The following ATP6V1A variants were observed in gnomAD, a reference collection of about 807,000 sequenced individuals.
ATP6V1A encodes the protein V-type proton ATPase catalytic subunit A.
A neutral mutation model predicts 70.1 loss-of-function variants in ATP6V1A; 18 were observed. The observed-to-expected ratio is 0.26, with a 90% CI of 0.18 to 0.38. The LOEUF (loss-of-function observed/expected upper bound fraction) is 0.38. ATP6V1A is among the 10% of genes least tolerant of loss of function. ATP6V1A has a pLI of 1.00. For synonymous variants in ATP6V1A, 232 were observed against 253.8 expected (o/e 0.91, Z 0.82); for missense variants, 424 against 772.4 (o/e 0.55, Z 5.35).
At position 113,781,033 on chromosome 3, in the gene ATP6V1A, T is replaced by C; in HGVS notation, c.83-17T>C. ...CTAGAGTCTTAAGTCATCAAAATAG[T>C]CTTTTGTTCTCTTCAGTGGTTACAG... On this transcript the variant is annotated splice_polypyrimidine_tract_variant and intron_variant, in intron 2 of 14. Coordinates refer to ENST00000273398, the MANE Select transcript of ATP6V1A (RefSeq NM_001690.4). 6.3e-7 allele frequency: 1 copy of C among 1,583,610 alleles called. No homozygotes were observed. Among genetic ancestry groups the C allele is most frequent in the Non-Finnish European group, 8.6e-7 (1 of 1,168,612 alleles).
chr3:113,797,397 G>A (rs927936807), intron 11 of ATP6V1A, among the ~76,000 whole-genome samples: 27 of 151,458 alleles, frequency 1.8e-4, no homozygotes, highest in African/African-American at 6.3e-4. Flanking sequence ...GGCATTACAG[G>A]CATGCGCCAC....
chr3:113,760,678 G>A (rs560770499), intron 1 of ATP6V1A, among the ~76,000 whole-genome samples: 8 of 152,036 alleles, frequency 5.3e-5, no homozygotes, highest in South Asian at 2.1e-4. Context: ...GCAGTGAGCC[G>A]AGATCGCACC....
intron 8 of ATP6V1A, among the ~76,000 whole-genome samples, chr3:113,791,400 T>G (rs1709090330): frequency 1.3e-5 from 2 of 151,982 alleles, no homozygotes; most frequent in Admixed American, 1.3e-4. Flanking sequence ...TAGGGTTTTT[T>G]TTTTTTTTTA....
Position 113,786,227 on chromosome 3 carries a change from T to G in ATP6V1A, c.565-5T>G, listed in dbSNP as rs373290404. ...CCATACTAAAATCCTACTGTATTTC[T>G]ATAGGATGTTGTCTTGGAGCTTGAA... On this transcript the variant is annotated splice_polypyrimidine_tract_variant and splice_region_variant and intron_variant, in intron 5 of 14. Coordinates refer to ENST00000273398, the MANE Select transcript of ATP6V1A (RefSeq NM_001690.4). 3.7e-5 allele frequency: 60 copies of G among 1,602,188 alleles called. No homozygotes were observed. The highest frequency in any genetic ancestry group is 5.1e-5 in the Non-Finnish European group (60 of 1,172,706).
At chr3:113,763,994 C>G (rs1708737563) in intron 1 of ATP6V1A, among the ~76,000 whole-genome samples, 1 of 152,244 alleles carries the variant, frequency 6.6e-6, no homozygotes, top group Non-Finnish European at 1.5e-5. Flanking sequence ...AATCCCAGCA[C>G]TTTGGGAGGC....
chr3:113,795,864 T>C lies in ATP6V1A; in HGVS notation c.1227-12T>C, dbSNP rs1709148461. The C allele has an allele frequency of 1.9e-6, 3 of 1,601,966 alleles. No homozygotes were observed. Among genetic ancestry groups the C allele is most frequent in the Non-Finnish European group, 1.7e-6 (2 of 1,175,298 alleles). ...ATTTTTTTTGTAATGACCATATTTT[T>C]TTTAAATTTAGAGTTTCTCCACCTG... is the stretch of plus-strand genomic sequence containing the variant. On this transcript the variant is annotated splice_polypyrimidine_tract_variant and intron_variant, in intron 10 of 14. Transcript: ENST00000273398.
chr3:113,804,295 T>C (rs1003392284), intron 13 of ATP6V1A, among the ~76,000 whole-genome samples: 1 of 152,038 alleles, frequency 6.6e-6, no homozygotes, highest in Non-Finnish European at 1.5e-5. Flanking sequence ...CCTGTCTTCT[T>C]TTACTTTTTT....
intron 12 of ATP6V1A, among the ~76,000 whole-genome samples, chr3:113,800,251 G>A (rs867756968): frequency 3.3e-4 from 49 of 149,060 alleles, no homozygotes; most frequent in African/African-American, 1.1e-3. Context: ...AAAAAAAGAC[G>A]CAATTTCTCT....
intron 12 of ATP6V1A, among the ~76,000 whole-genome samples, chr3:113,800,570 A>AT (rs1229319260): frequency 2.6e-5 from 4 of 152,316 alleles, no homozygotes; most frequent in African/African-American, 7.2e-5. Context: ...AAGGAAAAAA[A>AT]CAAAATGGAT....
intron 1 of ATP6V1A, among the ~76,000 whole-genome samples, chr3:113,773,085 G>A (rs1010296035): frequency 6.6e-6 from 1 of 151,436 alleles, no homozygotes; most frequent in Non-Finnish European, 1.5e-5. Context: ...TTACAGGTGC[G>A]CGACACCACG....
At chr3:113,804,932 A>G (rs1190584279) in intron 13 of ATP6V1A, among the ~76,000 whole-genome samples, 5 of 152,228 alleles carry the variant, frequency 3.3e-5, no homozygotes, top group Non-Finnish European at 1.5e-5. Context: ...CCTATTACTC[A>G]TTAAACCTAA....
intron 1 of ATP6V1A, among the ~76,000 whole-genome samples, chr3:113,747,928 A>G (rs1354765727): frequency 6.6e-6 from 1 of 152,184 alleles, no homozygotes; most frequent in Non-Finnish European, 1.5e-5. Flanking sequence ...TGGGTTGGAA[A>G]TAGTTAAACC....
chr3:113,755,215 C>T (rs969421414), intron 1 of ATP6V1A, among the ~76,000 whole-genome samples: 4 of 152,002 alleles, frequency 2.6e-5, no homozygotes, highest in Non-Finnish European at 5.9e-5. Context: ...GCATTTTTCT[C>T]AACTTTAAAA....
chr3:113,755,423 T>G (rs1227221899), intron 1 of ATP6V1A, among the ~76,000 whole-genome samples: 1 of 136,928 alleles, frequency 7.3e-6, no homozygotes, highest in African/African-American at 2.8e-5. Context: ...GGCAAAACCA[T>G]GTCTGTACAA....
chr3:113,795,734 C>T lies in ATP6V1A; in HGVS notation c.1227-142C>T, dbSNP rs976883635. The T allele has an allele frequency of 9.2e-6, 6 of 650,214 alleles. No homozygotes were observed. In the African/African-American group the frequency reaches 9.4e-5, roughly 10 times the overall value. The allele number at this position is 650,214 out of a possible 1,614,324, so 40.3% of individuals were successfully genotyped here. On this transcript the variant is annotated intron_variant, in intron 10 of 14. Coordinates refer to ENST00000273398, the MANE Select transcript of ATP6V1A (RefSeq NM_001690.4). Reference sequence around the variant, plus strand: ...TAGGTAAGATTTTCTTTCCAAAGGTCATTTCTAAAGTTATTTACATTAAAA... The same window carrying T: ...TAGGTAAGATTTTCTTTCCAAAGGTTATTTCTAAAGTTATTTACATTAAAA...
At chr3:113,771,043 C>T (rs1282237714) in intron 1 of ATP6V1A, among the ~76,000 whole-genome samples, 2 of 150,738 alleles carry the variant, frequency 1.3e-5, no homozygotes, top group Non-Finnish European at 3.0e-5. Context: ...TGCTGCGAAC[C>T]GAGATCATGC....
intron 3 of ATP6V1A, among the ~76,000 whole-genome samples, chr3:113,783,175 A>G (rs1244965399): frequency 6.6e-6 from 1 of 152,146 alleles, no homozygotes; most frequent in African/African-American, 2.4e-5. Context: ...ATATAAATGT[A>G]CCATTATTTA....
intron 8 of ATP6V1A, among the ~76,000 whole-genome samples, chr3:113,790,260 G>A (rs928160081): frequency 4.5e-5 from 6 of 133,546 alleles, no homozygotes; most frequent in African/African-American, 1.2e-4. Flanking sequence ...CCGAGATCGC[G>A]CCACTGCACT....
chr3:113,753,250 A>G (rs1358267173), intron 1 of ATP6V1A, among the ~76,000 whole-genome samples: 1 of 152,206 alleles, frequency 6.6e-6, no homozygotes, highest in African/African-American at 2.4e-5. Context: ...TAACAATGAA[A>G]TATTATTTCT....
Sources: allele counts gnomAD v4.1 joint callset (sites outside exome capture counted in the v4.1 genomes callset), GRCh38; gene constraint gnomAD v4.1.1; transcripts MANE v1.5; gene names NCBI Gene and HGNC (gene_info 2026-07-23, HGNC 2026-07-21).